B9D2: variants seen among roughly 807,000 people sequenced by gnomAD.
B9D2 encodes the protein B9 domain containing 2.
Under a neutral mutation model 19.2 loss-of-function variants are expected in B9D2, and 21 were observed. That is an observed-to-expected ratio of 1.09 (90% confidence interval 0.78 to 1.58). The LOEUF is 1.58. Among genes scored for constraint, B9D2 ranks in the 40% most tolerant of loss-of-function variants. B9D2 has a pLI of 0.00. For synonymous variants in B9D2, 91 were observed against 100.6 expected (o/e 0.90, Z 0.57); for missense variants, 221 against 244.3 (o/e 0.90, Z 0.64).
intron 1 of B9D2, 89 bp downstream of exon 1, chr19:41,363,869 T>TC (rs1404220365): frequency 2.0e-5 from 10 of 505,104 alleles, no homozygotes; most frequent in African/African-American, 1.6e-4. Context: ...CCCGCTTCCC[T>TC]CCCCCAGCAA....
chr19:41,362,919 ACT>A (rs1279269479), intron 2 of B9D2: 176 of 193,030 alleles, frequency 9.1e-4, no homozygotes, highest in African/African-American at 3.8e-3. Context: ...CTATACCATG[ACT>A]CTATAGGGCC....
At position 41,354,592 on chromosome 19, in the gene B9D2, G is replaced by C. The variant is rs112179051; in HGVS notation, c.*108C>G. On this transcript the variant is annotated 3_prime_UTR_variant, in exon 4 of 4. Transcript: ENST00000243578. ...AGAAGCGGTGCCATGCCTTAGCTGG[G>C]GTCAGCTCTGACAGTCTCTAGAGTC... 2.8e-5 allele frequency: 40 copies of C among 1,427,488 alleles called. 1 individual carries two copies. The African/African-American group carries it at 3.7e-4, about 13-fold the overall frequency. 88.4% of individuals were successfully genotyped at this position (1,427,488 alleles called of 1,614,324 possible).
chr19:41,356,507 T>C (rs1187281893), intron 3 of B9D2, among the ~76,000 whole-genome samples: 1 of 151,826 alleles, frequency 6.6e-6, no homozygotes, highest in Non-Finnish European at 1.5e-5. Flanking sequence ...GAAAGATTTT[T>C]TTTTTCCCCA....
At chr19:41,358,910 AG>A (rs987923236) in intron 2 of B9D2, among the ~76,000 whole-genome samples, 6 of 144,928 alleles carry the variant, frequency 4.1e-5, no homozygotes, top group South Asian at 4.4e-4. Context: ...TAGGAGGCTT[AG>A]GGGGGGGTGG....
At chr19:41,362,150 G>A (rs1220392426) in intron 2 of B9D2, among the ~76,000 whole-genome samples, 3 of 149,050 alleles carry the variant, frequency 2.0e-5, no homozygotes, top group South Asian at 2.1e-4. Flanking sequence ...TTGGGAGGCC[G>A]AGATGGGCAG....
Position 41,354,974 on chromosome 19 carries a change from C to T in B9D2, c.254G>A (p.Ser85Asn), listed in dbSNP as rs771723454. The T allele has an allele frequency of 1.9e-5, 30 of 1,610,282 alleles. No homozygotes were observed. In the Middle Eastern group the frequency reaches 6.6e-4, roughly 36 times the overall value. Residue 85 changes from serine (S) to asparagine (N), a missense_variant, in exon 4 of 4, where the codon AGC becomes AAC. By Grantham distance (46) the Ser-to-Asn change is conservative (BLOSUM62 1). Coordinates refer to ENST00000243578, the MANE Select transcript of B9D2 (RefSeq NM_030578.4). ...GCCTGCAAGCTGGCAGCGGCCAAAGCTGTCCTGGGACCACACCTGGAAATG... is the reference window on the plus strand; with the variant it reads ...GCCTGCAAGCTGGCAGCGGCCAAAGTTGTCCTGGGACCACACCTGGAAATG... ...RLHFQVWSQD[S>N]FGRCQLAGYG...
intron 2 of B9D2, chr19:41,361,054 C>A (rs2038396417): frequency 6.6e-6 from 1 of 152,176 alleles, no homozygotes; most frequent in Admixed American, 6.6e-5. Flanking sequence ...GTGCCAAGCA[C>A]TGTTTTCCAT....
chr19:41,362,284 G>A (rs2123143362), intron 2 of B9D2, among the ~76,000 whole-genome samples: 1 of 150,002 alleles, frequency 6.7e-6, no homozygotes, highest in South Asian at 2.1e-4. Flanking sequence ...CAGCTATGCA[G>A]GAGGCTGAGG....
chr19:41,359,037 C>T (rs2038361498), intron 2 of B9D2, among the ~76,000 whole-genome samples: 1 of 151,678 alleles, frequency 6.6e-6, no homozygotes, highest in Non-Finnish European at 1.5e-5. Flanking sequence ...CCCAGGTACT[C>T]GGGAGGCTGA....
intron 2 of B9D2, 93 bp downstream of exon 2, chr19:41,363,339 G>A: frequency 3.2e-6 from 4 of 1,266,020 alleles, no homozygotes; most frequent in Non-Finnish European, 4.6e-6. Flanking sequence ...ATGGAAATGA[G>A]GTTAAGAGTC....
At chr19:41,361,797 G>A (rs1599909839) in intron 2 of B9D2, among the ~76,000 whole-genome samples, 2 of 56,678 alleles carry the variant, frequency 3.5e-5, no homozygotes, top group Admixed American at 1.8e-4. Flanking sequence ...AAAAAAAAAA[G>A]GGCCAGGCGC....
chr19:41,354,865 T>G lies in B9D2; in HGVS notation c.363A>C (p.Glu121Asp), dbSNP rs1228188537. 2 of 1,613,794 alleles carry G rather than the reference T, an allele frequency of 1.2e-6. No homozygotes were observed. The highest frequency in any genetic ancestry group is 2.7e-5 in the African/African-American group (2 of 74,926). The change falls in exon 4 of 4, where the codon GAA (glutamate) becomes GAC (aspartate). Residue 121 changes from glutamate to aspartate, a missense_variant. Glu to Asp is a conservative substitution (Grantham distance 45). Transcript: ENST00000243578. ...PTWRPLGSWR[E>D]QLARAFVGGG... ...CACCCACGAAAGCCCGTGCCAACTG[T>G]TCTCGCCAACTGCCCAGGGGCCGCC...
At chr19:41,361,499 A>AC (rs2038401639) in intron 2 of B9D2, among the ~76,000 whole-genome samples, 1 of 152,094 alleles carries the variant, frequency 6.6e-6, no homozygotes, top group Non-Finnish European at 1.5e-5. Context: ...ATCAAAAAGG[A>AC]CCCAGGGGCC....
Position 41,354,668 on chromosome 19 carries a change from G to C in B9D2, c.*32C>G, listed in dbSNP as rs773472224. The C allele has an allele frequency of 1.2e-6, 2 of 1,613,422 alleles. No individual in the cohort carries two copies. Among genetic ancestry groups the C allele is most frequent in the South Asian group, 2.2e-5 (2 of 91,062 alleles). On this transcript the variant is annotated 3_prime_UTR_variant, in exon 4 of 4. Transcript: ENST00000243578. ...TCCCCCATCACTGGGTGTCCGGGGT[G>C]TGGATGGTGGTGACGTTGGAGGCAG...
intron 2 of B9D2, among the ~76,000 whole-genome samples, chr19:41,360,273 T>C (rs1267560947): frequency 6.6e-6 from 1 of 152,056 alleles, no homozygotes; most frequent in African/African-American, 2.4e-5. Context: ...CCTCCCAGGA[T>C]CAAGCAATCC....
Position 41,354,490 on chromosome 19 carries a change from G to A in B9D2, c.*210C>T, listed in dbSNP as rs1410572229. The A allele has an allele frequency of 9.0e-6, 6 of 664,370 alleles. No individual in the cohort carries two copies. Among genetic ancestry groups the A allele is most frequent in the African/African-American group, 3.6e-5 (2 of 56,064 alleles). 41.2% of individuals were successfully genotyped at this position (664,370 alleles called of 1,614,324 possible). A position where few individuals can be genotyped will look rare whatever the true frequency, so the allele number is the denominator to read the frequency against. ...AGCCTCCTGTCACTCAACACCCTGC[G>A]ACCCCATACATTTACTGTCCCCAAT... On this transcript the variant is annotated 3_prime_UTR_variant, in exon 4 of 4. Transcript: ENST00000243578.
chr19:41,360,302 AG>A (rs2038383424), intron 2 of B9D2, among the ~76,000 whole-genome samples: 1 of 152,016 alleles, frequency 6.6e-6, no homozygotes, highest in Non-Finnish European at 1.5e-5. Context: ...CAACCTCCCA[AG>A]TAGTTGGGAC....
Position 41,363,487 on chromosome 19 carries a change from T to C in B9D2, c.33A>G (p.Ile11Met), listed in dbSNP as rs2241714. ...TACTTTCCGAGAAACCGCTGGCCCC[T>C]ATGATCTGCCCGATCACGTGCACCT... MAEVHVIGQI[I>M]GASGFSESSL... The change falls in exon 2 of 4, where the codon ATA (isoleucine) becomes ATG (methionine). Residue 11 changes from isoleucine to methionine, a missense_variant. Coordinates refer to ENST00000243578, the MANE Select transcript of B9D2 (RefSeq NM_030578.4). 1,102,558 of 1,613,570 alleles carry C rather than the reference T, an allele frequency of 0.68. 380,889 individuals are homozygous for C. Among genetic ancestry groups the C allele is most frequent in the African/African-American group, 0.83 (62,461 of 74,890 alleles).
Position 41,358,089 on chromosome 19 carries a change from A to G in B9D2, c.89-67T>C, listed in dbSNP as rs73931466. On this transcript the variant is annotated intron_variant, in intron 2 of 3. Coordinates refer to ENST00000243578, the MANE Select transcript of B9D2 (RefSeq NM_030578.4). ...TCGGGAAGGGGATGCCGCTGTGGCT[A>G]TAGGACTGTTTCTCTGTGGCATCTA... 0.077 allele frequency: 122,514 copies of G among 1,601,362 alleles called. 5,331 individuals are homozygous for G. The highest frequency in any genetic ancestry group is 0.17 in the African/African-American group (12,358 of 74,676).
Sources: gnomAD v4.1 joint callset for allele counts (sites outside exome capture counted in the v4.1 genomes callset) on GRCh38, gnomAD v4.1.1 for gene constraint, MANE v1.5 for transcripts, NCBI Gene and HGNC (gene_info 2026-07-23, HGNC 2026-07-21) for gene names.